The following CCDC171 variants were observed in gnomAD, a reference collection of about 807,000 sequenced individuals.
CCDC171 encodes coiled-coil domain-containing protein 171.
A neutral mutation model predicts 168.2 loss-of-function variants in CCDC171; 177 were observed. The ratio of observed to expected loss-of-function variants is 1.05; its 90% CI spans 0.93 to 1.19. The LOEUF (loss-of-function observed/expected upper bound fraction) is 1.19. CCDC171 is among the 50% of genes most tolerant of loss of function. CCDC171 has a pLI of 0.00. For synonymous variants in CCDC171, 687 were observed against 540.8 expected (o/e 1.27, Z -3.75); for missense variants, 1,991 against 1,539.0 (o/e 1.29, Z -4.91).
intron 6 of CCDC171, among the ~76,000 whole-genome samples, chr9:15,601,166 C>T (rs1304019233): frequency 6.6e-6 from 1 of 152,196 alleles, no homozygotes; most frequent in Non-Finnish European, 1.5e-5. Context: ...TGACAATCCT[C>T]AGTGAGATGA....
intron 9 of CCDC171, among the ~76,000 whole-genome samples, chr9:15,674,132 T>C (rs2049335881): frequency 6.6e-6 from 1 of 152,208 alleles, no homozygotes; most frequent in Admixed American, 6.5e-5. Context: ...CTAGTTTATT[T>C]GTATAGAGGT....
chr9:16,034,222 G>A (rs1271939746), intron 6 of CCDC171, among the ~76,000 whole-genome samples: 3 of 152,160 alleles, frequency 2.0e-5, no homozygotes, highest in Non-Finnish European at 4.4e-5. Context: ...GGTTTTTGTA[G>A]CAAGAGGCGT....
intron 21 of CCDC171, among the ~76,000 whole-genome samples, chr9:15,821,205 C>G: frequency 8.5e-6 from 1 of 117,496 alleles, no homozygotes; most frequent in South Asian, 2.8e-4. Context: ...TAAGAGCTAT[C>G]TATGACAGAC....
In CCDC171 at chr9:15,641,698, A is replaced by G. The variant is rs185819793; in HGVS notation, c.823-15429A>G. On this transcript the variant is annotated intron_variant, in intron 7 of 25. Transcript: ENST00000380701. The stretch of plus-strand genomic sequence containing the variant: ...CCCCTTTTCTTAAGTGTACTAGATG[A>G]TCTAATTGGGCTTAATATGATTTAG... Among the ~76,000 whole-genome samples the G allele has an allele frequency of 2.6e-3, 399 of 152,294 alleles. 1 individual carries two copies. The highest frequency in any genetic ancestry group is 3.9e-3 in the South Asian group (19 of 4,826).
rs1459932898 is a variant in CCDC171 at position 15,816,295 on chromosome 9, CATT to C, written c.3268-30404_3268-30402del. Among the ~76,000 whole-genome samples the C allele has an allele frequency of 8.6e-5, 10 of 116,688 alleles. 3 individuals carry two copies. Among genetic ancestry groups the C allele is most frequent in the African/African-American group, 3.2e-4 (10 of 31,270 alleles). The allele number at this position is 116,688 out of a possible 152,430, so 76.6% of individuals were successfully genotyped here. On this transcript the variant is annotated intron_variant, in intron 21 of 25. Transcript: ENST00000380701. ...CAATTTGTATAAACTTTTTTACAAA[CATT>C]ATATTAGTTTTTTAAATTAAACCTG...
intron 24 of CCDC171, among the ~76,000 whole-genome samples, chr9:15,906,567 T>G (rs922689496): frequency 3.3e-5 from 5 of 152,296 alleles, no homozygotes; most frequent in African/African-American, 1.2e-4. Context: ...GCCAATATCA[T>G]ACTGAATGGG....
intron 6 of CCDC171, among the ~76,000 whole-genome samples, chr9:15,620,564 A>G (rs2044425113): frequency 6.6e-6 from 1 of 152,220 alleles, no homozygotes; most frequent in South Asian, 2.1e-4. Context: ...TAGATGACCA[A>G]AGAAAATAGT....
chr9:15,708,747 A>C (rs1316098699), intron 11 of CCDC171, among the ~76,000 whole-genome samples: 1 of 152,190 alleles, frequency 6.6e-6, no homozygotes, highest in Non-Finnish European at 1.5e-5. Flanking sequence ...TATATGTGCC[A>C]GAAGTCCAGG....
chr9:16,107,566 T>C, the CCDC171 span, among the ~76,000 whole-genome samples: 4 of 152,226 alleles, frequency 2.6e-5, no homozygotes, highest in East Asian at 3.9e-4. Flanking sequence ...CACACACATA[T>C]ACATATATGC....
chr9:16,073,069 A>G, the CCDC171 span, among the ~76,000 whole-genome samples: 1 of 152,250 alleles, frequency 6.6e-6, no homozygotes, highest in Non-Finnish European at 1.5e-5. Context: ...TTTCATGCAC[A>G]CAATTTTTAA....
intron 25 of CCDC171, among the ~76,000 whole-genome samples, chr9:15,928,659 T>C (rs1251539122): frequency 1.3e-5 from 2 of 151,768 alleles, no homozygotes; most frequent in African/African-American, 4.8e-5. Flanking sequence ...ACTTCTTAGT[T>C]AGATTTTCAT....
intron 18 of CCDC171, among the ~76,000 whole-genome samples, chr9:15,775,094 A>C (rs1446091848): frequency 7.9e-6 from 1 of 127,182 alleles, no homozygotes; most frequent in Non-Finnish European, 1.8e-5. Flanking sequence ...TTCCTCCAAA[A>C]CCTATTGAAA....
the CCDC171 span, among the ~76,000 whole-genome samples, chr9:16,100,583 G>A: frequency 6.6e-6 from 1 of 152,198 alleles, no homozygotes; most frequent in Non-Finnish European, 1.5e-5. Flanking sequence ...CCAAATAAAA[G>A]GGGATTTTTG....
At chr9:15,857,579 T>C (rs1323567436) in intron 23 of CCDC171, among the ~76,000 whole-genome samples, 3 of 151,874 alleles carry the variant, frequency 2.0e-5, no homozygotes, top group Non-Finnish European at 4.4e-5. Context: ...TACACCACCA[T>C]GACCGGCTAA....
intron 16 of CCDC171, among the ~76,000 whole-genome samples, chr9:15,732,943 AT>A (rs766425119): frequency 6.6e-6 from 1 of 152,092 alleles, no homozygotes; most frequent in African/African-American, 2.4e-5. Context: ...AGAGATTTTG[AT>A]TTGGTCTGCA....
chr9:15,569,956 T>A (rs527681801), intron 2 of CCDC171, among the ~76,000 whole-genome samples: 48 of 152,072 alleles, frequency 3.2e-4, no homozygotes, highest in Non-Finnish European at 5.7e-4. Flanking sequence ...GTTTGTGTTT[T>A]TGATTACTTT....
chr9:15,767,393 C>A (rs1364306943), intron 18 of CCDC171, among the ~76,000 whole-genome samples: 1 of 152,178 alleles, frequency 6.6e-6, no homozygotes, highest in Non-Finnish European at 1.5e-5. Context: ...TGACTCTGAC[C>A]TCTTCTTCTG....
intron 23 of CCDC171, among the ~76,000 whole-genome samples, chr9:15,872,452 G>A (rs564391325): frequency 1.2e-4 from 19 of 152,106 alleles, no homozygotes; most frequent in African/African-American, 4.1e-4. Flanking sequence ...AGGACCTCCA[G>A]TGCTCGAACT....
intron 23 of CCDC171, among the ~76,000 whole-genome samples, chr9:15,852,959 T>A (rs1014582747): frequency 2.6e-5 from 4 of 151,708 alleles, no homozygotes; most frequent in African/African-American, 9.7e-5. Flanking sequence ...TCTCTCTTCA[T>A]ATCAGTACCG....
Sources: gnomAD v4.1 joint callset for allele counts (sites outside exome capture counted in the v4.1 genomes callset) on GRCh38, gnomAD v4.1.1 for gene constraint, MANE v1.5 for transcripts, NCBI Gene and HGNC (gene_info 2026-07-23, HGNC 2026-07-21) for gene names.